The following EPHX2 variants were observed in gnomAD, a reference collection of about 807,000 sequenced individuals.
EPHX2 encodes the protein epoxide hydrolase 2.
EPHX2 carries 74 observed loss-of-function variants against 78.7 expected under a neutral mutation model. The ratio of observed to expected loss-of-function variants is 0.94; its 90% CI spans 0.78 to 1.14. EPHX2 has a LOEUF of 1.14. Among genes scored for constraint, EPHX2 ranks in the 50% most tolerant of loss-of-function variants. The pLI is 0.00. For missense variants in EPHX2, 715 were observed against 702.5 expected (o/e 1.02, Z -0.20); for synonymous variants, 251 against 255.2 (o/e 0.98, Z 0.16).
Position 27,540,474 on chromosome 8 carries a change from G to A in EPHX2, c.1277-80G>A, listed in dbSNP as rs370830644. The A allele has an allele frequency of 1.6e-4, 199 of 1,233,716 alleles. 1 individual carries two copies. The East Asian group carries it at 3.7e-3, about 23-fold the overall frequency. The allele number at this position is 1,233,716 out of a possible 1,614,324, so 76.4% of individuals were successfully genotyped here. A position where few individuals can be genotyped will look rare whatever the true frequency, so the allele number is the denominator to read the frequency against. On this transcript the variant is annotated intron_variant, in intron 14 of 18. Coordinates refer to ENST00000521400, the MANE Select transcript of EPHX2 (RefSeq NM_001979.6). Reference sequence around the variant, plus strand: ...CCTTGCGCAAGTTCAGATGGTCTGCGAGAGGCAATGAGGTCCCCACCTTAA... The same window carrying A: ...CCTTGCGCAAGTTCAGATGGTCTGCAAGAGGCAATGAGGTCCCCACCTTAA...
intron 1 of EPHX2, 63 bp downstream of exon 1, chr8:27,491,372 CTTGCAGCCCAGCTTTCAG>C (rs1034229629): frequency 3.0e-5 from 37 of 1,240,034 alleles, no homozygotes; most frequent in Non-Finnish European, 3.7e-5. Context: ...CCGCGCTGGG[CTTGCAGCCCAGCTTTCAG>C]ATTGCTCCTG....
chr8:27,505,020 C>T lies in EPHX2; in HGVS notation c.411C>T (p.Ala137=), dbSNP rs1390775923. ...ACCGTGCTGAGAGAGATGGCCTGGCCCAGCTGATGTGTGAGCTGAAGATGC... is the reference window on the plus strand; with the variant it reads ...ACCGTGCTGAGAGAGATGGCCTGGCTCAGCTGATGTGTGAGCTGAAGATGC... ...LDDRAERDGL[A]QLMCELKMHF... Residue 137 remains alanine (A), a synonymous_variant, in exon 4 of 19, where the codon GCC becomes GCT. Coordinates refer to ENST00000521400, the MANE Select transcript of EPHX2 (RefSeq NM_001979.6). 1.9e-6 allele frequency: 3 copies of T among 1,614,128 alleles called. No individual in the cohort carries two copies. The highest frequency in any genetic ancestry group is 2.5e-6 in the Non-Finnish European group (3 of 1,180,034).
intron 5 of EPHX2, among the ~76,000 whole-genome samples, chr8:27,509,780 G>C (rs1026283054): frequency 2.6e-5 from 4 of 152,196 alleles, no homozygotes; most frequent in African/African-American, 9.6e-5. Flanking sequence ...TTAAACAGGG[G>C]AGCCTGCGTC....
chr8:27,541,197 G>A (rs1377480421), intron 15 of EPHX2, among the ~76,000 whole-genome samples: 1 of 152,144 alleles, frequency 6.6e-6, no homozygotes. Flanking sequence ...TTCCCTGGAG[G>A]GTCCTGTAGG....
intron 16 of EPHX2, among the ~76,000 whole-genome samples, chr8:27,541,860 C>T (rs1192349720): frequency 1.3e-5 from 2 of 152,098 alleles, no homozygotes; most frequent in Admixed American, 1.3e-4. Flanking sequence ...GCCTGGGGCA[C>T]CTCCCAGAAG....
Position 27,515,758 on chromosome 8 carries a change from C to G in EPHX2, c.776C>G (p.Pro259Arg), listed in dbSNP as rs1467490685. The G allele has an allele frequency of 6.2e-7, 1 of 1,614,158 alleles. No homozygotes were observed. The highest frequency in any genetic ancestry group is 8.5e-7 in the Non-Finnish European group (1 of 1,180,044). Reference protein sequence around the residue: ...RLHFVELGSGPAVCLCHGFPE... With the variant: ...RLHFVELGSGRAVCLCHGFPE... The stretch of plus-strand genomic sequence containing the variant: ...CATTTTGTGGAGCTGGGCTCCGGCC[C>G]TGCTGTGTGCCTCTGCCATGGATTT... Residue 259 changes from proline to arginine, a missense_variant, in exon 7 of 19, where the codon CCT becomes CGT. By Grantham distance (103) the Pro-to-Arg change is moderately radical. Transcript: ENST00000521400.
At chr8:27,526,348 G>A (rs1814845588) in intron 12 of EPHX2, among the ~76,000 whole-genome samples, 1 of 152,214 alleles carries the variant, frequency 6.6e-6, no homozygotes, top group Non-Finnish European at 1.5e-5. Flanking sequence ...TTCACCAAAA[G>A]CTCCCAGCGG....
At chr8:27,497,152 C>A (rs1004952650) in intron 1 of EPHX2, among the ~76,000 whole-genome samples, 12 of 152,106 alleles carry the variant, frequency 7.9e-5, no homozygotes, top group Non-Finnish European at 1.5e-4. Context: ...ATTTCCTGGC[C>A]CTCAATGGTT....
At chr8:27,519,627 G>A (rs1273584624) in intron 9 of EPHX2, among the ~76,000 whole-genome samples, 1 of 152,230 alleles carries the variant, frequency 6.6e-6, no homozygotes, top group Non-Finnish European at 1.5e-5. Flanking sequence ...GAAGGGTGAT[G>A]TCGTGAAGAC....
At chr8:27,508,865 T>G (rs1814121995) in intron 5 of EPHX2, among the ~76,000 whole-genome samples, 1 of 147,244 alleles carries the variant, frequency 6.8e-6, no homozygotes, top group African/African-American at 2.5e-5. Context: ...CTTTTTCATC[T>G]CCCTCACATG....
At chr8:27,537,759 CTT>C (rs1400886012) in intron 13 of EPHX2, among the ~76,000 whole-genome samples, 2 of 152,152 alleles carry the variant, frequency 1.3e-5, no homozygotes, top group South Asian at 4.1e-4. Context: ...CTAATTCTCT[CTT>C]GTTTCTCTCT....
rs1814682672 is a variant in EPHX2 at position 27,522,432 on chromosome 8, C to T, written c.982C>T (p.Gln328Ter). Reference protein sequence around the residue: ...VTFLDKLGLSQAVFIGHDWGG... With the variant: ...VTFLDKLGLS The stretch of plus-strand genomic sequence containing the variant: ...CTTTTTCCTTCTCTAGGGCCTCTCT[C>T]AAGCAGTGTTCATTGGCCATGACTG... Residue 328 changes from glutamine (Q) to a stop codon, truncating the protein, a stop_gained, in exon 11 of 19, where the codon CAA becomes TAA. Coordinates refer to ENST00000521400, the MANE Select transcript of EPHX2 (RefSeq NM_001979.6). LOFTEE classifies it high-confidence loss of function. The T allele has an allele frequency of 6.2e-7, 1 of 1,613,992 alleles. No individual in the cohort carries two copies. The highest frequency in any genetic ancestry group is 8.5e-7 in the Non-Finnish European group (1 of 1,179,942).
chr8:27,505,124 C>T lies in EPHX2; in HGVS notation c.515C>T (p.Thr172Ile), dbSNP rs1234786380. Residue 172 changes from threonine to isoleucine, a missense_variant, in exon 4 of 19, where the codon ACC becomes ATC. Coordinates refer to ENST00000521400, the MANE Select transcript of EPHX2 (RefSeq NM_001979.6). Reference protein sequence around the residue: ...EPQIYKFLLDTLKASPSEVVF... With the variant: ...EPQIYKFLLDILKASPSEVVF... ...CAGATCTACAAGTTTCTGCTGGACACCCTGAAGGCCAGCCCCAGTGAGGTA... is the reference window on the plus strand; with the variant it reads ...CAGATCTACAAGTTTCTGCTGGACATCCTGAAGGCCAGCCCCAGTGAGGTA... 6 of 1,613,946 alleles carry T rather than the reference C, an allele frequency of 3.7e-6. No homozygotes were observed. Among genetic ancestry groups the T allele is most frequent in the African/African-American group, 2.7e-5 (2 of 74,894 alleles).
chr8:27,514,615 G>A (rs1455666713), intron 6 of EPHX2, among the ~76,000 whole-genome samples: 1 of 152,150 alleles, frequency 6.6e-6, no homozygotes, highest in Non-Finnish European at 1.5e-5. Flanking sequence ...TGTGGGCTCT[G>A]TCCACACAGC....
intron 1 of EPHX2, among the ~76,000 whole-genome samples, chr8:27,493,732 TAAG>T (rs2132703413): frequency 6.6e-6 from 1 of 152,268 alleles, no homozygotes; most frequent in East Asian, 1.9e-4. Flanking sequence ...AAGTTCCACA[TAAG>T]AAGAATATGC....
chr8:27,519,787 A>G (rs1048864316), intron 9 of EPHX2, among the ~76,000 whole-genome samples: 13 of 152,140 alleles, frequency 8.5e-5, no homozygotes, highest in African/African-American at 2.9e-4. Flanking sequence ...CCAGCACTGA[A>G]GTGAGGGGCT....
chr8:27,525,828 G>A (rs1427543253), intron 12 of EPHX2, among the ~76,000 whole-genome samples: 1 of 152,214 alleles, frequency 6.6e-6, no homozygotes, highest in Non-Finnish European at 1.5e-5. Flanking sequence ...GGGTCTAAGA[G>A]TCCTGCAACA....
At chr8:27,514,172 T>G (rs1333649645) in intron 6 of EPHX2, among the ~76,000 whole-genome samples, 31 of 151,900 alleles carry the variant, frequency 2.0e-4, no homozygotes, top group Non-Finnish European at 5.9e-5. Context: ...GCTGGGGTGG[T>G]GGTATGCATC....
At chr8:27,527,513 C>T (rs554177257) in intron 12 of EPHX2, among the ~76,000 whole-genome samples, 2 of 152,342 alleles carry the variant, frequency 1.3e-5, no homozygotes, top group Admixed American at 6.5e-5. Context: ...ATCTTCCCAA[C>T]TGAAGCCCTT....
Sources: allele counts gnomAD v4.1 joint callset (sites outside exome capture counted in the v4.1 genomes callset), GRCh38; gene constraint gnomAD v4.1.1; transcripts MANE v1.5; gene names NCBI Gene and HGNC (gene_info 2026-07-23, HGNC 2026-07-21).